The following CRHR2 variants were observed in gnomAD, a reference collection of about 807,000 sequenced individuals.
CRHR2 encodes corticotropin-releasing hormone receptor 2.
CRHR2 carries 53 observed loss-of-function variants against 57.9 expected under a neutral mutation model. That is an observed-to-expected ratio of 0.92 (90% confidence interval 0.73 to 1.15). The LOEUF is 1.15. Among genes scored for constraint, CRHR2 ranks in the 50% most tolerant of loss-of-function variants. CRHR2 has a pLI of 0.00. For synonymous variants in CRHR2, 213 were observed against 220.9 expected (o/e 0.96, Z 0.32); for missense variants, 532 against 542.6 (o/e 0.98, Z 0.19).
At chr7:30,678,933 C>A (rs895258371) in intron 2 of CRHR2, among the ~76,000 whole-genome samples, 2 of 152,210 alleles carry the variant, frequency 1.3e-5, no homozygotes, top group Non-Finnish European at 2.9e-5. Flanking sequence ...AATTGAGCTT[C>A]TCTGCTCACA....
chr7:30,692,182 T>C (rs1364542070), intron 1 of CRHR2, among the ~76,000 whole-genome samples: 1 of 152,198 alleles, frequency 6.6e-6, no homozygotes, highest in Non-Finnish European at 1.5e-5. Context: ...GCACGCTGAA[T>C]GGTGACTCTT....
intron 2 of CRHR2, among the ~76,000 whole-genome samples, chr7:30,688,517 G>T (rs1188430652): frequency 6.6e-6 from 1 of 152,214 alleles, no homozygotes; most frequent in Non-Finnish European, 1.5e-5. Context: ...TCTCTTTGAC[G>T]CCTGGCTTGG....
At chr7:30,662,584 T>C in intron 6 of CRHR2, 110 bp downstream of exon 6, 4 of 1,360,442 alleles carry the variant, frequency 2.9e-6, no homozygotes, top group Non-Finnish European at 4.0e-6. Context: ...CGGACTGCGC[T>C]GGGGGTGGAG....
intron 6 of CRHR2, 73 bp downstream of exon 6, chr7:30,662,621 C>T (rs1784048492): frequency 1.3e-6 from 2 of 1,558,568 alleles, no homozygotes; most frequent in Non-Finnish European, 1.7e-6. Flanking sequence ...GGTCCTTGGA[C>T]CCAAGACGAA....
In CRHR2 at chr7:30,665,129, G is replaced by A. The variant is rs763132126; in HGVS notation, c.484C>T (p.Arg162Ter). 1.8e-5 allele frequency: 29 copies of A among 1,613,918 alleles called. No individual in the cohort carries two copies. In the East Asian group the frequency reaches 2.2e-4, roughly 12 times the overall value. ...TGCAGCAGGAACCACATGACATTTC[G>A]CAGGATAAAGGTGGTGATGAGGTTC... ...HWNLITTFILRNVMWFLLQLV... is the reference protein window; with the variant it reads ...HWNLITTFIL Residue 162 changes from arginine to a stop codon, truncating the protein, a stop_gained, in exon 5 of 12, where the codon CGA becomes TGA. Coordinates refer to ENST00000471646, the MANE Select transcript of CRHR2 (RefSeq NM_001883.5). LOFTEE classifies it high-confidence loss of function. This position sits in a 1 kb window ranked among gnomAD's most constrained non-coding sequence, Gnocchi z 4.5.
intron 2 of CRHR2, among the ~76,000 whole-genome samples, chr7:30,669,427 C>T (rs768679383): frequency 1.8e-4 from 28 of 152,208 alleles, no homozygotes; most frequent in East Asian, 3.9e-4. Context: ...ACTTGTTTCC[C>T]GAATATGATA....
intron 2 of CRHR2, among the ~76,000 whole-genome samples, chr7:30,674,309 C>A (rs1444933455): frequency 6.6e-6 from 1 of 152,226 alleles, no homozygotes; most frequent in African/African-American, 2.4e-5. Flanking sequence ...ATGCTCCCGC[C>A]TCTACTGTAC....
intron 1 of CRHR2, among the ~76,000 whole-genome samples, chr7:30,693,436 G>A (rs1319507667): frequency 6.6e-6 from 1 of 152,206 alleles, no homozygotes; most frequent in Non-Finnish European, 1.5e-5. Context: ...GTGACCACCT[G>A]GTGGTGCGGG....
In CRHR2 at chr7:30,656,785, G is replaced by A. The variant is rs1783806315; in HGVS notation, c.832-773C>T. ...CTGCGAGTGTCTGTTCATCTGTATT[G>A]GCTGTGACTATGACTGTGTTGTCCC... is the stretch of plus-strand genomic sequence containing the variant. On this transcript the variant is annotated intron_variant, in intron 8 of 11. Transcript: ENST00000471646. This position sits in a 1 kb window ranked among gnomAD's most constrained non-coding sequence, Gnocchi z 4.4. Among the ~76,000 whole-genome samples the A allele has an allele frequency of 6.6e-6, 1 of 152,180 alleles. No homozygotes were observed. Among genetic ancestry groups the A allele is most frequent in the South Asian group, 2.1e-4 (1 of 4,834 alleles).
intron 2 of CRHR2, among the ~76,000 whole-genome samples, chr7:30,680,360 C>A (rs1784661529): frequency 6.6e-6 from 1 of 152,178 alleles, no homozygotes; most frequent in Non-Finnish European, 1.5e-5. Flanking sequence ...AGGGGGGGCC[C>A]CCAGGCTGGT....
At chr7:30,693,289 C>G (rs1302116219) in intron 1 of CRHR2, among the ~76,000 whole-genome samples, 1 of 152,172 alleles carries the variant, frequency 6.6e-6, no homozygotes, top group Non-Finnish European at 1.5e-5. Flanking sequence ...AGAGACCAAG[C>G]CATGGTTAGA....
chr7:30,661,409 C>T (rs993735444), intron 7 of CRHR2, among the ~76,000 whole-genome samples: 2 of 152,156 alleles, frequency 1.3e-5, no homozygotes, highest in African/African-American at 4.8e-5. Context: ...ACAGGAAGCT[C>T]ACCACCTACC....
chr7:30,662,244 G>A, intron 6 of CRHR2, 28 bp from the exon 7 acceptor site: 1 of 1,612,890 alleles, frequency 6.2e-7, no homozygotes, highest in Non-Finnish European at 8.5e-7. Context: ...TTGGGCTGCA[G>A]GGGACAGATG....
intron 2 of CRHR2, among the ~76,000 whole-genome samples, chr7:30,672,661 C>T (rs1784400756): frequency 6.6e-6 from 1 of 152,218 alleles, no homozygotes; most frequent in African/African-American, 2.4e-5. Context: ...ACCCAGCTGC[C>T]AAAACTGCAG....
rs1431745578 is a variant in CRHR2 at position 30,653,581 on chromosome 7, T to G, written c.1115A>C (p.Lys372Thr). Residue 372 changes from lysine (K) to threonine (T), a missense_variant, in exon 12 of 12, where the codon AAG becomes ACG. Transcript: ENST00000471646. This position sits in a 1 kb window ranked among gnomAD's most constrained non-coding sequence, Gnocchi z 5.0. ...ATGGTCCTGCCAGCGGTGCCACCTC[T>G]TCCTCACGGCTGAGCGCACCTGTGG... is the stretch of plus-strand genomic sequence containing the variant. Reference protein sequence around the residue: ...FNGEVRSAVRKRWHRWQDHHS... With the variant: ...FNGEVRSAVRTRWHRWQDHHS... 1 of 1,612,102 alleles carries G rather than the reference T, an allele frequency of 6.2e-7. No homozygotes were observed. The highest frequency in any genetic ancestry group is 1.1e-5 in the South Asian group (1 of 91,056).
At position 30,654,713 on chromosome 7, in the gene CRHR2, A is replaced by G; in HGVS notation, c.1095+326T>C. Reference sequence around the variant, plus strand: ...CCATACAGACCTGATTGCTTGGCACACATCTCTTTCTGGAAGCTTCCTTCT... The same window carrying G: ...CCATACAGACCTGATTGCTTGGCACGCATCTCTTTCTGGAAGCTTCCTTCT... On this transcript the variant is annotated intron_variant, in intron 11 of 11. Transcript: ENST00000471646. 2.6e-6 allele frequency: 4 copies of G among 1,536,112 alleles called. 1 individual carries two copies. In the South Asian group the frequency reaches 4.8e-5, roughly 18 times the overall value.
chr7:30,686,474 T>C, upstream of CRHR2: 3 of 1,521,420 alleles, frequency 2.0e-6, no homozygotes, highest in South Asian at 3.6e-5. Flanking sequence ...CATATGTGTG[T>C]GTGTTGCATT....
In CRHR2 at chr7:30,662,837, C is replaced by T. The variant is rs1249763483; in HGVS notation, c.554G>A (p.Arg185His). The change falls in exon 6 of 12, where the codon CGC (arginine) becomes CAC (histidine). Residue 185 changes from arginine to histidine, a missense_variant. Arg to His is a conservative substitution (Grantham distance 29, BLOSUM62 0). Transcript: ENST00000471646. The stretch of plus-strand genomic sequence containing the variant: ...GTAGTTGAAGATGGTGGTGATGCAG[C>T]GGCACCAGACCTGTGTGCAGGGCAG... Reference protein sequence around the residue: ...EVHESNEVWCRCITTIFNYFV... With the variant: ...EVHESNEVWCHCITTIFNYFV... 9 of 1,614,028 alleles carry T rather than the reference C, an allele frequency of 5.6e-6. No homozygotes were observed. The highest frequency in any genetic ancestry group is 1.1e-5 in the South Asian group (1 of 91,068).
At chr7:30,664,986 C>G in intron 5 of CRHR2, 84 bp downstream of exon 5, 1 of 1,105,290 alleles carries the variant, frequency 9.0e-7, no homozygotes, top group Non-Finnish European at 1.4e-6. Flanking sequence ...AAGGAGGGGT[C>G]CAAGCAGAGA....
Sources: gnomAD v4.1 joint callset for allele counts (sites outside exome capture counted in the v4.1 genomes callset) on GRCh38, gnomAD v4.1.1 for gene constraint, Gnocchi (gnomAD v3.1) non-coding constraint, MANE v1.5 for transcripts, NCBI Gene and HGNC (gene_info 2026-07-23, HGNC 2026-07-21) for gene names.